Variants in AGMO observed in about 807,000 individuals in gnomAD.
AGMO encodes the protein alkylglycerol monooxygenase.
AGMO carries 75 observed loss-of-function variants against 60.2 expected under a neutral mutation model. The observed-to-expected ratio is 1.25, with a 90% CI of 1.03 to 1.51. The LOEUF (loss-of-function observed/expected upper bound fraction) is 1.51, where lower values mean the gene tolerates loss of function less well. Among genes scored for constraint, AGMO ranks in the 40% most tolerant of loss-of-function variants. The pLI, the probability that AGMO is intolerant of heterozygous loss-of-function variation, is 0.00. For missense variants in AGMO, 763 were observed against 525.5 expected (o/e 1.45, Z -4.42); for synonymous variants, 261 against 177.1 (o/e 1.47, Z -3.76).
At chr7:15,348,130 C>T (rs1465303278) in intron 12 of AGMO, among the ~76,000 whole-genome samples, 1 of 151,934 alleles carries the variant, frequency 6.6e-6, no homozygotes, top group African/African-American at 2.4e-5. Context: ...ATGGAAAGAA[C>T]ACAGAATCCC....
In AGMO at chr7:15,228,924, G is replaced by A. The variant is rs145491563; in HGVS notation, c.1264-27565C>T. Reference sequence around the variant, plus strand: ...CAATCAAAATTGCATAAATTACTGAGTTCGACTGCCAGGAAAAGGGGTTAA... The same window carrying A: ...CAATCAAAATTGCATAAATTACTGAATTCGACTGCCAGGAAAAGGGGTTAA... On this transcript the variant is annotated intron_variant, in intron 12 of 12. Transcript: ENST00000342526. 1.7e-3 allele frequency among the ~76,000 whole-genome samples: 259 copies of A among 152,174 alleles called. 1 individual carries two copies. The highest frequency in any genetic ancestry group is 1.1e-3 in the Non-Finnish European group (72 of 67,996).
chr7:15,232,807 A>G (rs931442834), intron 12 of AGMO, among the ~76,000 whole-genome samples: 7 of 151,424 alleles, frequency 4.6e-5, no homozygotes, highest in Admixed American at 6.6e-5. Context: ...ACACGCACAC[A>G]CACACACACA....
chr7:15,145,632 T>C, the AGMO span, among the ~76,000 whole-genome samples: 1 of 152,136 alleles, frequency 6.6e-6, no homozygotes, highest in Non-Finnish European at 1.5e-5. Context: ...GAAAAATAAA[T>C]TGTATTTTTA....
chr7:15,500,783 T>C (rs894964612), intron 3 of AGMO, among the ~76,000 whole-genome samples: 1 of 151,830 alleles, frequency 6.6e-6, no homozygotes, highest in Non-Finnish European at 1.5e-5. Context: ...TGATGTTAGG[T>C]TCTTAATTTG....
chr7:15,547,648 C>G (rs1215871461), intron 2 of AGMO, among the ~76,000 whole-genome samples: 1 of 152,020 alleles, frequency 6.6e-6, no homozygotes, highest in Non-Finnish European at 1.5e-5. Context: ...ATATCCGCAC[C>G]TGGCTCGGAG....
chr7:15,422,855 G>A (rs1780963244), intron 4 of AGMO, among the ~76,000 whole-genome samples: 1 of 152,122 alleles, frequency 6.6e-6, no homozygotes, highest in African/African-American at 2.4e-5. Flanking sequence ...ATGGCCTGAA[G>A]ATTTCAAGGC....
intron 12 of AGMO, among the ~76,000 whole-genome samples, chr7:15,341,684 G>C (rs187846425): frequency 6.0e-4 from 91 of 152,118 alleles, no homozygotes; most frequent in African/African-American, 2.0e-3. Flanking sequence ...CCATTATTAT[G>C]CTGCTAATAA....
chr7:15,454,017 A>G (rs1273614309), intron 3 of AGMO, among the ~76,000 whole-genome samples: 1 of 148,398 alleles, frequency 6.7e-6, no homozygotes, highest in Non-Finnish European at 1.5e-5. Context: ...TACATAAAAT[A>G]TGTTTATATA....
chr7:15,168,450 AC>A, the AGMO span, among the ~76,000 whole-genome samples: 1 of 152,256 alleles, frequency 6.6e-6, no homozygotes, highest in African/African-American at 2.4e-5. Context: ...TTAGGGCACC[AC>A]CTGGTCAGCC....
chr7:15,354,431 TGTGTGTATACACACGTGTGTGTATACAC>T (rs1782412843), intron 12 of AGMO, among the ~76,000 whole-genome samples: 1 of 26,144 alleles, frequency 3.8e-5, no homozygotes, highest in African/African-American at 3.1e-4. Flanking sequence ...TACACACACG[TGTGTGTATACACACGTGTGTGTATACAC>T]ACGTGTGTGT....
At chr7:15,430,451 C>T (rs1278332729) in intron 4 of AGMO, among the ~76,000 whole-genome samples, 1 of 151,590 alleles carries the variant, frequency 6.6e-6, no homozygotes, top group Non-Finnish European at 1.5e-5. Flanking sequence ...AAGAACTCTA[C>T]AAGTAGAGGC....
At chr7:15,117,513 A>G in the AGMO span, among the ~76,000 whole-genome samples, 2 of 152,004 alleles carry the variant, frequency 1.3e-5, no homozygotes, top group Non-Finnish European at 2.9e-5. Flanking sequence ...GTGCTCCAAT[A>G]TACCTAACTT....
At chr7:15,243,419 A>T (rs541262411) in intron 12 of AGMO, among the ~76,000 whole-genome samples, 1 of 152,190 alleles carries the variant, frequency 6.6e-6, no homozygotes, top group South Asian at 2.1e-4. Flanking sequence ...TAGAGCAAAA[A>T]GTTAAATCAA....
chr7:15,396,572 T>C (rs930956706), intron 5 of AGMO: 2 of 152,280 alleles, frequency 1.3e-5, no homozygotes, highest in Admixed American at 6.5e-5. Flanking sequence ...GACAACAGCT[T>C]GCCGCTCCTT....
At chr7:15,221,569 C>A (rs974337050) in intron 12 of AGMO, among the ~76,000 whole-genome samples, 6 of 152,108 alleles carry the variant, frequency 3.9e-5, no homozygotes, top group Non-Finnish European at 7.4e-5. Flanking sequence ...GCAGTCAACT[C>A]TGATATTTCT....
intron 12 of AGMO, among the ~76,000 whole-genome samples, chr7:15,362,900 T>C (rs1782820453): frequency 1.3e-5 from 2 of 152,194 alleles, no homozygotes; most frequent in South Asian, 2.1e-4. Context: ...TGGACGAAAA[T>C]GTACCTTGAT....
chr7:15,412,684 TAAAAAAAAA>T, intron 5 of AGMO, among the ~76,000 whole-genome samples: 1 of 111,362 alleles, frequency 9.0e-6, no homozygotes, highest in East Asian at 2.4e-4. Context: ...TTTCATTATT[TAAAAAAAAA>T]AAAAAAAAAA....
chr7:15,196,015 C>G (rs1781107328), downstream of AGMO, among the ~76,000 whole-genome samples: 1 of 151,662 alleles, frequency 6.6e-6, no homozygotes, highest in African/African-American at 2.4e-5. Flanking sequence ...TCCCTCCTCT[C>G]TTTTCTTTTC....
At chr7:15,432,361 T>TATACATATATATATATATACAC (rs370437254) in intron 3 of AGMO, among the ~76,000 whole-genome samples, 1 of 123,940 alleles carries the variant, frequency 8.1e-6, no homozygotes, top group African/African-American at 3.0e-5. Flanking sequence ...CATATATATA[T>TATACATATATATATATATACAC]ACACACACAT....
Sources: allele counts gnomAD v4.1 joint callset (sites outside exome capture counted in the v4.1 genomes callset), GRCh38; gene constraint gnomAD v4.1.1; transcripts MANE v1.5; gene names NCBI Gene and HGNC (gene_info 2026-07-23, HGNC 2026-07-21).